The following ADK variants were observed in gnomAD, a reference collection of about 807,000 sequenced individuals.
ADK encodes the protein adenosine kinase.
Under a neutral mutation model 44.7 loss-of-function variants are expected in ADK, and 24 were observed. The ratio of observed to expected loss-of-function variants is 0.54; its 90% CI spans 0.39 to 0.76. The LOEUF is 0.76. ADK is among the 30% of genes least tolerant of loss of function. The pLI, the probability that ADK is intolerant of heterozygous loss-of-function variation, is 0.00. For missense variants in ADK, 321 were observed against 425.1 expected (o/e 0.76, Z 2.15); for synonymous variants, 128 against 142.6 (o/e 0.90, Z 0.73).
chr10:74,178,329 A>G (rs1842421953), intron 1 of ADK, among the ~76,000 whole-genome samples: 1 of 152,210 alleles, frequency 6.6e-6, no homozygotes, highest in Non-Finnish European at 1.5e-5. Context: ...GGAGACCCAC[A>G]TGGAAGGATT....
intron 9 of ADK, among the ~76,000 whole-genome samples, chr10:74,624,403 T>C (rs993287613): frequency 4.6e-5 from 7 of 152,114 alleles, no homozygotes; most frequent in Admixed American, 4.6e-4. Flanking sequence ...GCCTTTCTGG[T>C]TTAATAAACA....
At position 74,208,435 on chromosome 10, in the gene ADK, C is replaced by A. The variant is rs138572299; in HGVS notation, c.140+7597C>A. On this transcript the variant is annotated intron_variant, in intron 2 of 10. Transcript: ENST00000539909. ...ACGCTGCTGGGAGCTCGAGTAACTT[C>A]TTTGTTTTACATGTTTTACTAGCAG... 2.6e-5 allele frequency among the ~76,000 whole-genome samples: 4 copies of A among 152,352 alleles called. No homozygotes were observed. The East Asian group carries it at 7.7e-4, about 29-fold the overall frequency.
At chr10:74,524,878 A>T (rs1848977971) in intron 6 of ADK, among the ~76,000 whole-genome samples, 1 of 152,182 alleles carries the variant, frequency 6.6e-6, no homozygotes, top group Admixed American at 6.5e-5. Context: ...AAAAATATAT[A>T]TTCCAAACTG....
At position 74,232,546 on chromosome 10, in the gene ADK, GCA is replaced by G. The variant is rs796441625; in HGVS notation, c.194+7957_194+7958del. ...CAAAAAACAAACAAACAACCCCCCC[GCA>G]CCCCCCCCCCCCAAAAAAAAACAAA... On this transcript the variant is annotated intron_variant, in intron 3 of 10. Transcript: ENST00000539909. Among the ~76,000 whole-genome samples the G allele has an allele frequency of 3.5e-3, 70 of 20,034 alleles. 1 individual carries two copies. The highest frequency in any genetic ancestry group is 0.091 in the Middle Eastern group (2 of 22). The allele number at this position is 20,034 out of a possible 152,430, so 13.1% of individuals were successfully genotyped here. A position where few individuals can be genotyped will look rare whatever the true frequency, so the allele number is the denominator to read the frequency against.
chr10:74,408,686 T>TATATGTATTATATTCTATACAAATACAA (rs1844050763), intron 6 of ADK, among the ~76,000 whole-genome samples: 1 of 152,228 alleles, frequency 6.6e-6, no homozygotes, highest in Non-Finnish European at 1.5e-5. Flanking sequence ...ACGTATTTTG[T>TATATGTATTATATTCTATACAAATACAA]ATATGTATTA....
At chr10:74,255,431 G>T (rs1365531241) in intron 3 of ADK, among the ~76,000 whole-genome samples, 1 of 152,074 alleles carries the variant, frequency 6.6e-6, no homozygotes, top group Non-Finnish European at 1.5e-5. Flanking sequence ...AGGACACAGG[G>T]TATAATTGCT....
chr10:74,244,928 A>G (rs1591923707), intron 3 of ADK, among the ~76,000 whole-genome samples: 1 of 152,354 alleles, frequency 6.6e-6, no homozygotes. Flanking sequence ...GTAAAGCTGG[A>G]AAGATTTAGC....
intron 6 of ADK, among the ~76,000 whole-genome samples, chr10:74,403,681 A>C (rs1445299159): frequency 6.6e-6 from 1 of 151,662 alleles, no homozygotes; most frequent in African/African-American, 2.4e-5. Flanking sequence ...GAATTCCCCA[A>C]CCCCTTGCGC....
At chr10:74,271,056 G>C (rs1475169901) in intron 3 of ADK, among the ~76,000 whole-genome samples, 1 of 152,100 alleles carries the variant, frequency 6.6e-6, no homozygotes, top group South Asian at 2.1e-4. Flanking sequence ...CTTCTATTTG[G>C]CAGGAATATA....
intron 3 of ADK, among the ~76,000 whole-genome samples, chr10:74,226,955 A>C (rs1844565715): frequency 6.6e-6 from 1 of 151,856 alleles, no homozygotes; most frequent in South Asian, 2.1e-4. Context: ...GCACCATAAA[A>C]GCAGAGTATT....
intron 6 of ADK, among the ~76,000 whole-genome samples, chr10:74,498,169 A>C (rs1384967526): frequency 6.6e-6 from 1 of 152,178 alleles, no homozygotes; most frequent in Non-Finnish European, 1.5e-5. Flanking sequence ...AATTACAGGC[A>C]TGAGCCACTG....
intron 6 of ADK, among the ~76,000 whole-genome samples, chr10:74,504,455 A>C (rs1450159710): frequency 6.6e-6 from 1 of 152,182 alleles, no homozygotes; most frequent in African/African-American, 2.4e-5. Flanking sequence ...CAGAAACTTT[A>C]CTAAGAGCCT....
Position 74,314,717 on chromosome 10 carries a change from C to T in ADK, c.245C>T (p.Ser82Phe). Reference protein sequence around the residue: ...KFKVEYHAGGSTQNSIKVAQW... With the variant: ...KFKVEYHAGGFTQNSIKVAQW... ...AAAGTCGAATATCATGCTGGTGGCTCTACCCAGAATTCAATTAAAGTGGCT... is the reference window on the plus strand; with the variant it reads ...AAAGTCGAATATCATGCTGGTGGCTTTACCCAGAATTCAATTAAAGTGGCT... Residue 82 changes from serine (S) to phenylalanine (F), a missense_variant, in exon 4 of 11, where the codon TCT (serine) becomes TTT (phenylalanine). Transcript: ENST00000539909. 1 of 1,612,856 alleles carries T rather than the reference C, an allele frequency of 6.2e-7. No individual in the cohort carries two copies. Among genetic ancestry groups the T allele is most frequent in the Non-Finnish European group, 8.5e-7 (1 of 1,179,198 alleles).
chr10:74,691,903 C>A (rs567827986), intron 10 of ADK, among the ~76,000 whole-genome samples: 1 of 152,226 alleles, frequency 6.6e-6, no homozygotes, highest in South Asian at 2.1e-4. Context: ...TGGGAACTCT[C>A]ATTTATTGCT....
intron 6 of ADK, among the ~76,000 whole-genome samples, chr10:74,507,566 G>C (rs1356218405): frequency 1.3e-5 from 2 of 151,948 alleles, no homozygotes; most frequent in Non-Finnish European, 2.9e-5. Flanking sequence ...AGTGAGCCGA[G>C]ATCGTGCCAC....
chr10:74,368,897 G>A (rs1261225883), intron 4 of ADK, among the ~76,000 whole-genome samples: 2 of 152,132 alleles, frequency 1.3e-5, no homozygotes, highest in African/African-American at 4.8e-5. Context: ...CAAAGTGCTA[G>A]GATTAACAGA....
At chr10:74,419,907 T>C (rs986163055) in intron 6 of ADK, among the ~76,000 whole-genome samples, 2 of 152,166 alleles carry the variant, frequency 1.3e-5, no homozygotes, top group Non-Finnish European at 2.9e-5. Flanking sequence ...TTAGAAGAGT[T>C]TTTAAATCTG....
intron 10 of ADK, among the ~76,000 whole-genome samples, chr10:74,695,895 CT>C (rs1856179607): frequency 1.3e-5 from 2 of 152,082 alleles, no homozygotes; most frequent in African/African-American, 2.4e-5. Flanking sequence ...CCACCTTAGC[CT>C]CCCAAAGTGC....
intron 9 of ADK, among the ~76,000 whole-genome samples, chr10:74,636,172 TAAATAG>T (rs1277755885): frequency 2.0e-5 from 3 of 152,216 alleles, no homozygotes; most frequent in African/African-American, 7.2e-5. Flanking sequence ...TAATCTAATA[TAAATAG>T]AAACTACAAA....
Sources: allele counts gnomAD v4.1 joint callset (sites outside exome capture counted in the v4.1 genomes callset), GRCh38; gene constraint gnomAD v4.1.1; transcripts MANE v1.5; gene names NCBI Gene and HGNC (gene_info 2026-07-23, HGNC 2026-07-21).